Variants in INSL6 observed in about 807,000 individuals in gnomAD.
INSL6 encodes the protein insulin-like peptide INSL6.
In INSL6, 16 loss-of-function variants were observed where a neutral mutation model predicts 9.4. The ratio of observed to expected loss-of-function variants is 1.70; its 90% CI spans 1.15 to 2.59. The LOEUF (loss-of-function observed/expected upper bound fraction) is 2.59, where lower values mean the gene tolerates loss of function less well. Ranked by LOEUF, INSL6 falls within the 30% of genes most tolerant of loss-of-function variation. The probability of loss-of-function intolerance (pLI) is 0.00; values close to 1 mark genes in which losing one functional copy is unlikely to be tolerated. For missense variants in INSL6, 391 were observed against 257.3 expected (o/e 1.52, Z -3.56); for synonymous variants, 154 against 96.9 (o/e 1.59, Z -3.46).
At chr9:4,992,985 A>G in the INSL6 span, among the ~76,000 whole-genome samples, 1 of 152,064 alleles carries the variant, frequency 6.6e-6, no homozygotes, top group Admixed American at 6.6e-5. Flanking sequence ...ACCCATATAA[A>G]TTGCTTTGTA....
intron 2 of INSL6, among the ~76,000 whole-genome samples, chr9:5,144,962 A>G (rs937677564): frequency 2.6e-5 from 4 of 152,150 alleles, no homozygotes; most frequent in Admixed American, 2.0e-4. Context: ...GCCCATTTAT[A>G]TTTAAAGTTA....
intron 2 of INSL6, among the ~76,000 whole-genome samples, chr9:5,158,241 C>A (rs1486962612): frequency 6.6e-6 from 1 of 152,130 alleles, no homozygotes; most frequent in East Asian, 1.9e-4. Context: ...AGTTCTTCGC[C>A]TTGAAAGGGT....
At chr9:5,150,640 C>T (rs1336296549) in intron 2 of INSL6, among the ~76,000 whole-genome samples, 1 of 152,104 alleles carries the variant, frequency 6.6e-6, no homozygotes, top group Non-Finnish European at 1.5e-5. Context: ...TTAGTACAAC[C>T]TCTATGTAAA....
intron 1 of INSL6, among the ~76,000 whole-genome samples, chr9:5,184,578 T>C (rs1286385107): frequency 1.3e-5 from 2 of 152,222 alleles, no homozygotes; most frequent in African/African-American, 4.8e-5. Flanking sequence ...ATAGTCCCTA[T>C]AATACAGTAT....
intron 1 of INSL6, among the ~76,000 whole-genome samples, chr9:5,166,158 T>C (rs562490102): frequency 4.6e-5 from 7 of 152,320 alleles, no homozygotes; most frequent in African/African-American, 1.4e-4. Context: ...TAAAGGAACA[T>C]AAACACACGG....
intron 2 of INSL6, among the ~76,000 whole-genome samples, chr9:5,151,655 G>C (rs1824715104): frequency 6.6e-6 from 1 of 151,844 alleles, no homozygotes; most frequent in South Asian, 2.1e-4. Context: ...AAAGTTTAAA[G>C]ATAAATAAAT....
At chr9:5,054,781 G>T in the INSL6 span, 4 of 1,612,760 alleles carry the variant, frequency 2.5e-6, no homozygotes, top group Non-Finnish European at 3.4e-6. The surrounding 1 kb of genome is among the most constrained non-coding windows in gnomAD (Gnocchi z 4.9). Flanking sequence ...CCTGGAAGTG[G>T]TCCTTCAGGT....
At chr9:5,153,538 T>G (rs991006366) in intron 2 of INSL6, among the ~76,000 whole-genome samples, 5 of 152,200 alleles carry the variant, frequency 3.3e-5, no homozygotes, top group Non-Finnish European at 5.9e-5. Context: ...GAAGTCAAAT[T>G]GTCTGTTTGC....
chr9:5,132,511 G>GTT (rs1824310766), intron 3 of INSL6, among the ~76,000 whole-genome samples: 1 of 151,194 alleles, frequency 6.6e-6, no homozygotes, highest in Non-Finnish European at 1.5e-5. Context: ...CAACTTAGCT[G>GTT]TTTAACAATC....
At chr9:5,104,205 G>C in the INSL6 span, among the ~76,000 whole-genome samples, 2 of 152,026 alleles carry the variant, frequency 1.3e-5, no homozygotes, top group East Asian at 1.9e-4. Flanking sequence ...GAATCAAATA[G>C]AGGGAATAAA....
the INSL6 span, among the ~76,000 whole-genome samples, chr9:5,045,015 T>C: frequency 6.6e-6 from 1 of 152,234 alleles, no homozygotes; most frequent in Non-Finnish European, 1.5e-5. Flanking sequence ...CTAAGAGCTA[T>C]ATTCAAGTTA....
the INSL6 span, among the ~76,000 whole-genome samples, chr9:4,994,365 A>T: frequency 2.0e-5 from 3 of 152,148 alleles, no homozygotes; most frequent in African/African-American, 7.2e-5. Context: ...TACCTAAAGG[A>T]CTTATTGAAA....
chr9:5,158,064 G>C (rs1273436362), intron 2 of INSL6, among the ~76,000 whole-genome samples: 1 of 152,120 alleles, frequency 6.6e-6, no homozygotes, highest in Non-Finnish European at 1.5e-5. Flanking sequence ...ACTGAAGATT[G>C]CATCAGTCTC....
the INSL6 span, chr9:5,041,610 G>T: frequency 1.4e-5 from 7 of 495,680 alleles, no homozygotes; most frequent in Non-Finnish European, 2.4e-5. Context: ...GCCCGACTGT[G>T]ACTACATGCG....
rs1202969093 is a variant in INSL6, at chr9:5,124,612, C to A, written c.*11-101G>T. 2.0e-5 allele frequency among the ~76,000 whole-genome samples: 3 copies of A among 151,688 alleles called. No homozygotes were observed. In the East Asian group the frequency reaches 5.8e-4, roughly 29 times the overall value. On this transcript the variant is annotated intron_variant, in intron 3 of 3. Coordinates refer to the INSL6 transcript ENST00000649639. The stretch of plus-strand genomic sequence containing the variant: ...CCCTAATAGCAAAAGCGATTCTAAG[C>A]AAAAAGAACAAAGCTGGAAGCATCA...
the INSL6 span, among the ~76,000 whole-genome samples, chr9:5,061,238 A>T: frequency 5.3e-5 from 8 of 152,224 alleles, no homozygotes; most frequent in Non-Finnish European, 7.3e-5. Context: ...CCAATGGCAT[A>T]GGCCCTTAGC....
the INSL6 span, among the ~76,000 whole-genome samples, chr9:5,057,345 C>T: frequency 1.3e-5 from 2 of 151,932 alleles, no homozygotes; most frequent in African/African-American, 4.8e-5. Context: ...TTTTTACTGT[C>T]ATTTTCCTCT....
the INSL6 span, among the ~76,000 whole-genome samples, chr9:5,007,127 G>T: frequency 4.0e-4 from 61 of 151,336 alleles, no homozygotes; most frequent in African/African-American, 1.4e-3. Context: ...TCTGATTTCT[G>T]CTCTTAAGTA....
Position 5,128,291 on chromosome 9 carries a change from A to C in INSL6, c.*11-3780T>G, listed in dbSNP as rs1586851065. On this transcript the variant is annotated intron_variant, in intron 3 of 3. Coordinates refer to the INSL6 transcript ENST00000649639. ...GTTTTTTACATTCATTATTATACTT[A>C]AAGCATTTTTAAAGCATTTTAATAG... 1.3e-5 allele frequency: 3 copies of C among 226,764 alleles called. No individual in the cohort carries two copies. The South Asian group carries it at 5.5e-4, about 41-fold the overall frequency. 14.0% of individuals were successfully genotyped at this position (226,764 alleles called of 1,614,324 possible). A position where few individuals can be genotyped will look rare whatever the true frequency, so the allele number is the denominator to read the frequency against.
Sources: gnomAD v4.1 joint callset for allele counts (sites outside exome capture counted in the v4.1 genomes callset) on GRCh38, gnomAD v4.1.1 for gene constraint, Gnocchi (gnomAD v3.1) non-coding constraint, MANE v1.5 for transcripts, NCBI Gene and HGNC (gene_info 2026-07-23, HGNC 2026-07-21) for gene names.